Variants in ACTL8 observed in about 807,000 individuals in gnomAD.
The protein encoded by ACTL8 is actin-like protein 8.
ACTL8 carries 3 observed loss-of-function variants against 9.3 expected under a neutral mutation model. That is an observed-to-expected ratio of 0.32 (90% CI 0.15 to 0.83). The LOEUF (loss-of-function observed/expected upper bound fraction) is 0.83, where lower values mean the gene tolerates loss of function less well. Ranked by LOEUF, ACTL8 falls within the 40% of genes least tolerant of loss-of-function variation. ACTL8 has a pLI of 0.57. For synonymous variants in ACTL8, 224 were observed against 205.9 expected (o/e 1.09, Z -0.75); for missense variants, 381 against 492.2 (o/e 0.77, Z 2.14).
chr1:17,805,655 G>A (rs2066355718), intron 1 of ACTL8, among the ~76,000 whole-genome samples: 1 of 152,124 alleles, frequency 6.6e-6, no homozygotes, highest in African/African-American at 2.4e-5. Flanking sequence ...TGGGATTACA[G>A]GCGTGAGCCA....
intron 1 of ACTL8, among the ~76,000 whole-genome samples, chr1:17,801,444 A>C (rs576264860): frequency 7.7e-4 from 118 of 152,354 alleles, no homozygotes; most frequent in African/African-American, 2.8e-3. Flanking sequence ...AGATGGCCAA[A>C]TTTAATGATT....
chr1:17,819,618 A>C (rs556773250), intron 1 of ACTL8, among the ~76,000 whole-genome samples: 2 of 152,340 alleles, frequency 1.3e-5, no homozygotes, highest in Admixed American at 1.3e-4. Context: ...TACAGGAAAC[A>C]CCCACATACA....
rs1267647387 is a variant in ACTL8, at chr1:17,808,348, T to C, written c.-24-14637T>C. Among the ~76,000 whole-genome samples the C allele has an allele frequency of 2.0e-5, 3 of 152,226 alleles. No individual in the cohort carries two copies. The South Asian group carries it at 6.2e-4, about 32-fold the overall frequency. On this transcript the variant is annotated intron_variant, in intron 1 of 2. Transcript: ENST00000375406. The stretch of plus-strand genomic sequence containing the variant: ...TCTACCCTTTTTCCTTCAAATGTTA[T>C]TGTTAGTCCTTTCATCTGTGAAAGA...
intron 1 of ACTL8, among the ~76,000 whole-genome samples, chr1:17,762,077 G>C (rs1040508288): frequency 2.0e-5 from 3 of 152,060 alleles, no homozygotes; most frequent in African/African-American, 7.2e-5. Flanking sequence ...AAGATACTGA[G>C]AACAAGACCA....
rs34761963 is a variant in ACTL8 at position 17,812,596 on chromosome 1, A to ATT, written c.-24-10374_-24-10373dup. On this transcript the variant is annotated intron_variant, in intron 1 of 2. Coordinates refer to ENST00000375406, the MANE Select transcript of ACTL8 (RefSeq NM_030812.3). ...AGGCGTACGCCACCACGCCCTGTCA[A>ATT]TTTTTTTTTTTTTTTTGTATTTTAG... Among the ~76,000 whole-genome samples the ATT allele has an allele frequency of 4.3e-3, 582 of 136,274 alleles. 8 individuals carry two copies. Among genetic ancestry groups the ATT allele is most frequent in the African/African-American group, 8.7e-3 (316 of 36,304 alleles). 89.4% of individuals were successfully genotyped at this position (136,274 alleles called of 152,430 possible). A position where few individuals can be genotyped will look rare whatever the true frequency, so the allele number is the denominator to read the frequency against.
At chr1:17,814,501 A>G (rs2066412496) in intron 1 of ACTL8, among the ~76,000 whole-genome samples, 3 of 152,160 alleles carry the variant, frequency 2.0e-5, no homozygotes, top group Admixed American at 2.0e-4. Flanking sequence ...ATAACACGCC[A>G]TACCCGTTTG....
At chr1:17,788,600 G>A (rs1219771854) in intron 1 of ACTL8, among the ~76,000 whole-genome samples, 1 of 152,252 alleles carries the variant, frequency 6.6e-6, no homozygotes, top group African/African-American at 2.4e-5. Flanking sequence ...TCAGCCAGGT[G>A]CAGAGGAGGA....
Position 17,826,531 on chromosome 1 carries a change from C to T in ACTL8, c.*12C>T, listed in dbSNP as rs1262031800. Reference sequence around the variant, plus strand: ...ATATGAGGATGTGACCCTACTGGCTCACTCCTGAGAATGGGCTCCTGTTAG... The same window carrying T: ...ATATGAGGATGTGACCCTACTGGCTTACTCCTGAGAATGGGCTCCTGTTAG... On this transcript the variant is annotated 3_prime_UTR_variant, in exon 3 of 3. Coordinates refer to ENST00000375406, the MANE Select transcript of ACTL8 (RefSeq NM_030812.3). The surrounding 1 kb of genome is among the most constrained non-coding windows in gnomAD (Gnocchi z 4.5). 2 of 1,533,530 alleles carry T rather than the reference C, an allele frequency of 1.3e-6. No individual in the cohort carries two copies. The highest frequency in any genetic ancestry group is 2.3e-5 in the East Asian group (1 of 43,886). The allele number at this position is 1,533,530 out of a possible 1,614,324, so 95.0% of individuals were successfully genotyped here.
chr1:17,760,606 T>C (rs1246469382), intron 1 of ACTL8, among the ~76,000 whole-genome samples: 8 of 151,940 alleles, frequency 5.3e-5, no homozygotes, highest in Admixed American at 5.2e-4. Context: ...CCCAGGGGGG[T>C]GGCAAAGGGT....
At chr1:17,785,549 C>G (rs1358555746) in intron 1 of ACTL8, among the ~76,000 whole-genome samples, 2 of 152,240 alleles carry the variant, frequency 1.3e-5, no homozygotes, top group African/African-American at 4.8e-5. Flanking sequence ...CAGATGTACA[C>G]TGCCTTGCTG....
chr1:17,820,734 AT>A lies in ACTL8; in HGVS notation c.-24-2243del, dbSNP rs1009512433. ...AGGTATGTGTCACCACGCCCAGCTA[AT>A]TTTTTTTGTTTTTGTATTTTTAGTA... On this transcript the variant is annotated intron_variant, in intron 1 of 2. Transcript: ENST00000375406. 5.9e-5 allele frequency among the ~76,000 whole-genome samples: 9 copies of A among 151,814 alleles called. No individual in the cohort carries two copies. The East Asian group carries it at 1.6e-3, about 26-fold the overall frequency.
At chr1:17,808,370 A>C (rs941954120) in intron 1 of ACTL8, among the ~76,000 whole-genome samples, 4 of 152,212 alleles carry the variant, frequency 2.6e-5, no homozygotes, top group Non-Finnish European at 5.9e-5. Context: ...TCATCTGTGA[A>C]AGATAGTTAT....
chr1:17,806,619 G>A (rs938417251), intron 1 of ACTL8, among the ~76,000 whole-genome samples: 6 of 152,248 alleles, frequency 3.9e-5, no homozygotes, highest in Non-Finnish European at 1.5e-5. Flanking sequence ...GGGAAGCTGA[G>A]CCACATCCTC....
At chr1:17,817,705 C>CTTT (rs34283487) in intron 1 of ACTL8, among the ~76,000 whole-genome samples, 3 of 148,702 alleles carry the variant, frequency 2.0e-5, no homozygotes, top group African/African-American at 7.4e-5. Context: ...TTCTTTCTTT[C>CTTT]TTTTCTTTTT....
At chr1:17,775,547 A>G (rs897423262) in intron 1 of ACTL8, among the ~76,000 whole-genome samples, 2 of 152,230 alleles carry the variant, frequency 1.3e-5, no homozygotes, top group African/African-American at 4.8e-5. Flanking sequence ...TGACATCACA[A>G]GGAAACCATC....
intron 1 of ACTL8, among the ~76,000 whole-genome samples, chr1:17,821,361 C>T (rs1000415719): frequency 4.3e-4 from 65 of 152,096 alleles, no homozygotes; most frequent in Non-Finnish European, 1.3e-4. Flanking sequence ...CGTGGTTTCT[C>T]CTAGGTGTTC....
chr1:17,795,279 C>G (rs1056096493), intron 1 of ACTL8, among the ~76,000 whole-genome samples: 2 of 152,196 alleles, frequency 1.3e-5, no homozygotes, highest in Admixed American at 6.5e-5. Flanking sequence ...GACAGCCCCT[C>G]CCCACCGTAC....
intron 1 of ACTL8, among the ~76,000 whole-genome samples, chr1:17,798,286 G>T (rs1391605086): frequency 1.3e-5 from 2 of 152,008 alleles, no homozygotes; most frequent in African/African-American, 4.8e-5. Flanking sequence ...CGCCCGAGGT[G>T]CCCTAAGGAG....
rs765972298 is a variant in ACTL8, at chr1:17,776,969, ATTTTTTTTTTTTTTTTTTTTT to A, written c.-25+21481_-25+21501del. On this transcript the variant is annotated intron_variant, in intron 1 of 2. Transcript: ENST00000375406. Reference sequence around the variant, plus strand: ...CATCCACCACCGTTCCTGGCTAATGATTTTTTTTTTTTTTTTTTTTTTTTTTTTTTTTTTTTAGAGATGGGG... The same window carrying A: ...CATCCACCACCGTTCCTGGCTAATGATTTTTTTTTTTTTTTAGAGATGGGG... 3.3e-3 allele frequency among the ~76,000 whole-genome samples: 166 copies of A among 50,550 alleles called. 2 individuals are homozygous for A. Among genetic ancestry groups the A allele is most frequent in the Admixed American group, 0.016 (59 of 3,594 alleles). The allele number at this position is 50,550 out of a possible 152,430, so 33.2% of individuals were successfully genotyped here. A position where few individuals can be genotyped will look rare whatever the true frequency, so the allele number is the denominator to read the frequency against.
Sources: allele counts gnomAD v4.1 joint callset (sites outside exome capture counted in the v4.1 genomes callset), GRCh38; gene constraint gnomAD v4.1.1; non-coding constraint Gnocchi (gnomAD v3.1); transcripts MANE v1.5; gene names NCBI Gene and HGNC (gene_info 2026-07-23, HGNC 2026-07-21).